The following UBE2D2 variants were observed in gnomAD, a reference collection of about 807,000 sequenced individuals.
UBE2D2 encodes the protein ubiquitin-conjugating enzyme E2 D2.
A neutral mutation model predicts 24.2 loss-of-function variants in UBE2D2; 2 were observed. The ratio of observed to expected loss-of-function variants is 0.08; its 90% CI spans 0.03 to 0.26. The LOEUF is 0.26. UBE2D2 is among the 10% of genes least tolerant of loss of function. The pLI, the probability that UBE2D2 is intolerant of heterozygous loss-of-function variation, is 1.00. For missense variants in UBE2D2, 44 were observed against 177.6 expected, an observed-to-expected ratio of 0.25 and a Z score of 4.28; for synonymous variants, 58 against 56.5, an observed-to-expected ratio of 1.03 and a Z score of -0.12.
intron 5 of UBE2D2, among the ~76,000 whole-genome samples, chr5:139,621,918 T>C (rs1279796598): frequency 6.6e-6 from 1 of 152,142 alleles, no homozygotes; most frequent in Non-Finnish European, 1.5e-5. Flanking sequence ...CCATCGCACT[T>C]GGAATTTTGA....
chr5:139,616,767 C>G (rs1050546317), intron 5 of UBE2D2, among the ~76,000 whole-genome samples: 1 of 152,080 alleles, frequency 6.6e-6, no homozygotes. Flanking sequence ...GAAAACAATC[C>G]CAAATGCTGA....
chr5:139,572,775 A>G (rs1187341948), intron 1 of UBE2D2, among the ~76,000 whole-genome samples: 2 of 151,564 alleles, frequency 1.3e-5, no homozygotes, highest in Admixed American at 1.3e-4. Flanking sequence ...CCTCCCAAGA[A>G]AAGAAGCTGG....
Position 139,623,314 on chromosome 5 carries a change from T to A in UBE2D2, c.305-54T>A, listed in dbSNP as rs1456081159. ...CTCATGTTTTGGCGTCTCATGTTTCTCTCAACCCTTTGCTTTGATCCTCTG... is the reference window on the plus strand; with the variant it reads ...CTCATGTTTTGGCGTCTCATGTTTCACTCAACCCTTTGCTTTGATCCTCTG... On this transcript the variant is annotated intron_variant, in intron 5 of 6. Transcript: ENST00000398733. 2.9e-6 allele frequency: 4 copies of A among 1,371,136 alleles called. No homozygotes were observed. The African/African-American group carries it at 4.3e-5, about 15-fold the overall frequency. 84.9% of individuals were successfully genotyped at this position (1,371,136 alleles called of 1,614,324 possible). A position where few individuals can be genotyped will look rare whatever the true frequency, so the allele number is the denominator to read the frequency against.
At chr5:139,621,517 A>G (rs1475287609) in intron 5 of UBE2D2, among the ~76,000 whole-genome samples, 1 of 152,242 alleles carries the variant, frequency 6.6e-6, no homozygotes, top group East Asian at 1.9e-4. Flanking sequence ...TCAACTGAAA[A>G]TTAAACAAAA....
chr5:139,622,874 G>A (rs1022409970), intron 5 of UBE2D2, among the ~76,000 whole-genome samples: 1 of 150,946 alleles, frequency 6.6e-6, no homozygotes, highest in Non-Finnish European at 1.5e-5. Context: ...CAGTCTGGGC[G>A]ACAGAGCCAG....
chr5:139,534,016 T>C (rs533412474), intron 1 of UBE2D2, among the ~76,000 whole-genome samples: 1 of 151,522 alleles, frequency 6.6e-6, no homozygotes, highest in Non-Finnish European at 1.5e-5. Flanking sequence ...CTCTTGACCT[T>C]GTGACCCACC....
chr5:139,620,454 A>G (rs570391687), intron 5 of UBE2D2, among the ~76,000 whole-genome samples: 2 of 152,334 alleles, frequency 1.3e-5, no homozygotes, highest in South Asian at 2.1e-4. Context: ...AAATACATGA[A>G]GTCTTTCCTA....
At chr5:139,533,974 G>A (rs959480716) in intron 1 of UBE2D2, among the ~76,000 whole-genome samples, 4 of 151,646 alleles carry the variant, frequency 2.6e-5, no homozygotes, top group South Asian at 2.1e-4. Flanking sequence ...GTAGAGACAC[G>A]GTTTCACCAT....
At chr5:139,548,563 T>C (rs1427813561) in intron 1 of UBE2D2, among the ~76,000 whole-genome samples, 1 of 152,148 alleles carries the variant, frequency 6.6e-6, no homozygotes, top group Non-Finnish European at 1.5e-5. Context: ...GGGCAAAAGG[T>C]TGGCTAGGAG....
intron 1 of UBE2D2, chr5:139,562,425 G>A: frequency 1.5e-6 from 2 of 1,294,748 alleles, no homozygotes; most frequent in Middle Eastern, 2.1e-4. Flanking sequence ...AATGAGGGAG[G>A]AGGGAAGTAG....
chr5:139,593,233 A>G lies in UBE2D2; in HGVS notation c.25-7139A>G, dbSNP rs566809766. On this transcript the variant is annotated intron_variant, in intron 1 of 6. Coordinates refer to ENST00000398733, the MANE Select transcript of UBE2D2 (RefSeq NM_003339.3). ...CTGGTCTCTATCTCTTGACCTTGTG[A>G]TCCGTCCACCTCGGCCTCCCAAAGT... Among the ~76,000 whole-genome samples the G allele has an allele frequency of 1.6e-4, 24 of 151,776 alleles. No homozygotes were observed. In the East Asian group the frequency reaches 4.5e-3, roughly 28 times the overall value.
At chr5:139,571,598 A>G (rs1339059985) in intron 1 of UBE2D2, among the ~76,000 whole-genome samples, 1 of 152,196 alleles carries the variant, frequency 6.6e-6, no homozygotes, top group Non-Finnish European at 1.5e-5. Flanking sequence ...GGATTCAGAT[A>G]CAGGCGATCT....
At chr5:139,547,707 T>A (rs1752852588) in intron 1 of UBE2D2, among the ~76,000 whole-genome samples, 1 of 151,818 alleles carries the variant, frequency 6.6e-6, no homozygotes. Context: ...TTTTTTTATT[T>A]TTTTTGAGAC....
intron 1 of UBE2D2, among the ~76,000 whole-genome samples, chr5:139,543,112 G>C (rs944064786): frequency 6.6e-6 from 1 of 151,848 alleles, no homozygotes; most frequent in African/African-American, 2.4e-5. Context: ...GGTCAGGCTG[G>C]TCTCGAACTC....
At chr5:139,535,572 T>C (rs1451499304) in intron 1 of UBE2D2, among the ~76,000 whole-genome samples, 1 of 151,662 alleles carries the variant, frequency 6.6e-6, no homozygotes, top group African/African-American at 2.4e-5. Context: ...GAGGTTGCAG[T>C]GAGCCGAGAT....
chr5:139,560,836 C>T (rs1048005069), upstream of UBE2D2, among the ~76,000 whole-genome samples: 1 of 152,152 alleles, frequency 6.6e-6, no homozygotes, highest in African/African-American at 2.4e-5. Context: ...TCACTGCAAC[C>T]CGAGCGGCTA....
rs530016943 is a variant in UBE2D2 at position 139,536,652 on chromosome 5, G to A, written c.-64+10040G>A. 2.7e-4 allele frequency among the ~76,000 whole-genome samples: 41 copies of A among 151,646 alleles called. 1 individual carries two copies. The South Asian group carries it at 3.8e-3, about 14-fold the overall frequency. On this transcript the variant is annotated intron_variant, in intron 1 of 6. Transcript: ENST00000511725. ...ATTACAGGTGTGAGCCACCTTGCCCGGCAATTTTTGTATTTTTAGTAGAGG... is the reference window on the plus strand; with the variant it reads ...ATTACAGGTGTGAGCCACCTTGCCCAGCAATTTTTGTATTTTTAGTAGAGG...
At chr5:139,617,890 G>C (rs763844472) in intron 5 of UBE2D2, among the ~76,000 whole-genome samples, 24 of 152,102 alleles carry the variant, frequency 1.6e-4, no homozygotes, top group Non-Finnish European at 2.8e-4. Flanking sequence ...TGGGGATAAA[G>C]GCACAGTTGT....
At chr5:139,605,895 C>T (rs953409802) in intron 2 of UBE2D2, among the ~76,000 whole-genome samples, 1 of 151,164 alleles carries the variant, frequency 6.6e-6, no homozygotes, top group African/African-American at 2.4e-5. Context: ...CATGCCCCTA[C>T]ACCCCTGGCT....
Sources: gnomAD v4.1 joint callset for allele counts (sites outside exome capture counted in the v4.1 genomes callset) on GRCh38, gnomAD v4.1.1 for gene constraint, MANE v1.5 for transcripts, NCBI Gene and HGNC (gene_info 2026-07-23, HGNC 2026-07-21) for gene names.